ALDH1L1: variants seen among roughly 807,000 people sequenced by gnomAD.
The protein encoded by ALDH1L1 is aldehyde dehydrogenase 1 family member L1.
In ALDH1L1, 68 loss-of-function variants were observed where a neutral mutation model predicts 101.1. That is an observed-to-expected ratio of 0.67 (90% confidence interval 0.55 to 0.82). The LOEUF (loss-of-function observed/expected upper bound fraction) is 0.82, where lower values mean the gene tolerates loss of function less well. Among genes scored for constraint, ALDH1L1 ranks in the 40% least tolerant of loss-of-function variants. The pLI is 0.00. For synonymous variants in ALDH1L1, 486 were observed against 470.8 expected (o/e 1.03, Z -0.42); for missense variants, 1,087 against 1,172.7 (o/e 0.93, Z 1.07).
At position 126,112,706 on chromosome 3, in the gene ALDH1L1, C is replaced by T. The variant is rs548614637; in HGVS notation, c.2181+76G>A. The T allele has an allele frequency of 1.3e-5, 18 of 1,429,406 alleles. No individual in the cohort carries two copies. The South Asian group carries it at 2.1e-4, about 17-fold the overall frequency. 88.5% of individuals were successfully genotyped at this position (1,429,406 alleles called of 1,614,324 possible). A position where few individuals can be genotyped will look rare whatever the true frequency, so the allele number is the denominator to read the frequency against. On this transcript the variant is annotated intron_variant, in intron 19 of 22. Coordinates refer to ENST00000393434, the MANE Select transcript of ALDH1L1 (RefSeq NM_012190.4). ...CCTCACTTGACCCTGCCCTGTCTCC[C>T]CTCCTCCAACCCCCTCCAGCCAGGC... is the stretch of plus-strand genomic sequence containing the variant.
chr3:126,165,973 G>C (rs904859549), intron 1 of ALDH1L1, among the ~76,000 whole-genome samples: 1 of 150,444 alleles, frequency 6.6e-6, no homozygotes, highest in African/African-American at 2.4e-5. Context: ...TTTGGGGTTG[G>C]TTTGTTCTTT....
At chr3:126,166,504 C>A (rs2081170903) in intron 1 of ALDH1L1, among the ~76,000 whole-genome samples, 2 of 152,108 alleles carry the variant, frequency 1.3e-5, no homozygotes, top group South Asian at 2.1e-4. Flanking sequence ...CTTCATAAAT[C>A]TTGTTTTCCT....
intron 1 of ALDH1L1, among the ~76,000 whole-genome samples, chr3:126,174,980 A>T (rs2081345392): frequency 6.6e-6 from 1 of 152,138 alleles, no homozygotes; most frequent in Non-Finnish European, 1.5e-5. Flanking sequence ...AGATGAATAA[A>T]ACTGAGACAC....
At chr3:126,178,613 A>C (rs2081410256) in intron 1 of ALDH1L1, among the ~76,000 whole-genome samples, 1 of 152,172 alleles carries the variant, frequency 6.6e-6, no homozygotes. Flanking sequence ...TTAAAAATAA[A>C]TACTTGAAAA....
intron 1 of ALDH1L1, among the ~76,000 whole-genome samples, chr3:126,173,677 A>G (rs1458981748): frequency 6.6e-6 from 1 of 152,236 alleles, no homozygotes; most frequent in Admixed American, 6.5e-5. Context: ...TGAATAAAGA[A>G]TCGTGACCTA....
At chr3:126,154,047 G>A (rs2108286685) in intron 6 of ALDH1L1, among the ~76,000 whole-genome samples, 1 of 152,344 alleles carries the variant, frequency 6.6e-6, no homozygotes, top group Admixed American at 6.5e-5. Flanking sequence ...GGTCTGGAGA[G>A]TCTGAGACTG....
At chr3:126,114,981 C>CT (rs776878094) in intron 17 of ALDH1L1, 10 of 473,100 alleles carry the variant, frequency 2.1e-5, no homozygotes. Flanking sequence ...CACAGCCTGC[C>CT]TGTGCACCCC....
At chr3:126,149,777 C>T (rs1200187133) in intron 8 of ALDH1L1, among the ~76,000 whole-genome samples, 2 of 152,182 alleles carry the variant, frequency 1.3e-5, no homozygotes, top group Non-Finnish European at 2.9e-5. Context: ...AGGCCTCTGC[C>T]CTGTTAGGGC....
intron 1 of ALDH1L1, among the ~76,000 whole-genome samples, chr3:126,168,410 C>T (rs965380371): frequency 1.8e-4 from 27 of 151,966 alleles, no homozygotes; most frequent in African/African-American, 6.3e-4. Flanking sequence ...TTAAAGTTAA[C>T]ATTAATAGCA....
intron 1 of ALDH1L1, among the ~76,000 whole-genome samples, chr3:126,176,353 C>T (rs1440664278): frequency 1.3e-5 from 2 of 152,054 alleles, no homozygotes; most frequent in Non-Finnish European, 2.9e-5. Context: ...TTTGGAGAGA[C>T]AAAAGACCTG....
At position 126,129,919 on chromosome 3, in the gene ALDH1L1, T is replaced by C. The variant is rs759163490; in HGVS notation, c.1694+304A>G. The C allele has an allele frequency of 1.1e-4, 24 of 213,532 alleles. 1 individual carries two copies. The highest frequency in any genetic ancestry group is 1.0e-3 in the Admixed American group (17 of 16,956). The allele number at this position is 213,532 out of a possible 1,614,324, so 13.2% of individuals were successfully genotyped here. On this transcript the variant is annotated intron_variant, in intron 14 of 22. Transcript: ENST00000393434. Reference sequence around the variant, plus strand: ...TTGTTCTATATTTCCTGTTCCTCAGTGCTGTGCAGGAGTTCCTCATCTTTA... The same window carrying C: ...TTGTTCTATATTTCCTGTTCCTCAGCGCTGTGCAGGAGTTCCTCATCTTTA...
Position 126,146,939 on chromosome 3 carries a change from A to T in ALDH1L1, c.985-13T>A. 6.2e-7 allele frequency: 1 copy of T among 1,612,112 alleles called. No homozygotes were observed. Among genetic ancestry groups the T allele is most frequent in the Non-Finnish European group, 8.5e-7 (1 of 1,179,086 alleles). On this transcript the variant is annotated splice_polypyrimidine_tract_variant and intron_variant, in intron 8 of 22. Coordinates refer to ENST00000393434, the MANE Select transcript of ALDH1L1 (RefSeq NM_012190.4). The stretch of plus-strand genomic sequence containing the variant: ...GCTGCCAAACACTCTGCAAAGCAAG[A>T]CCTGATGAGAGGCTGGCCCCAGGGG...
intron 1 of ALDH1L1, among the ~76,000 whole-genome samples, chr3:126,175,140 G>A (rs1352726620): frequency 6.6e-6 from 1 of 152,102 alleles, no homozygotes; most frequent in Non-Finnish European, 1.5e-5. Flanking sequence ...AATTTGGTAA[G>A]TTAAATGAAA....
chr3:126,124,110 G>GACACACAC (rs3841921), intron 16 of ALDH1L1, among the ~76,000 whole-genome samples: 95 of 148,898 alleles, frequency 6.4e-4, no homozygotes, highest in African/African-American at 2.0e-3. Context: ...AGGGCGCGCG[G>GACACACAC]ACACACACAC....
intron 9 of ALDH1L1, among the ~76,000 whole-genome samples, chr3:126,146,432 G>A (rs936418582): frequency 6.6e-5 from 10 of 152,298 alleles, no homozygotes; most frequent in Admixed American, 5.9e-4. Flanking sequence ...ACAAACTGTC[G>A]AACCATAGTA....
intron 1 of ALDH1L1, among the ~76,000 whole-genome samples, chr3:126,170,611 T>A (rs558227369): frequency 6.6e-6 from 1 of 151,994 alleles, no homozygotes; most frequent in East Asian, 1.9e-4. Context: ...GATCCTACAG[T>A]CAATCTAAGA....
chr3:126,193,047 T>C (rs1576514836), intron 1 of ALDH1L1, among the ~76,000 whole-genome samples: 1 of 152,216 alleles, frequency 6.6e-6, no homozygotes, highest in Non-Finnish European at 1.5e-5. Flanking sequence ...GTATGGCTGC[T>C]GGGATTGGCC....
At chr3:126,103,986 G>T in intron 22 of ALDH1L1, 140 bp from the exon 23 acceptor site, 1 of 915,862 alleles carries the variant, frequency 1.1e-6, no homozygotes, top group Non-Finnish European at 1.7e-6. Flanking sequence ...GAGGCCCAGC[G>T]AGGTCATGAA....
chr3:126,142,562 C>G (rs775622730), intron 9 of ALDH1L1, among the ~76,000 whole-genome samples: 3 of 152,200 alleles, frequency 2.0e-5, no homozygotes, highest in Non-Finnish European at 4.4e-5. Flanking sequence ...ATCAGTGTAA[C>G]ATACCACATT....
Sources: allele counts gnomAD v4.1 joint callset (sites outside exome capture counted in the v4.1 genomes callset), GRCh38; gene constraint gnomAD v4.1.1; transcripts MANE v1.5; gene names NCBI Gene and HGNC (gene_info 2026-07-23, HGNC 2026-07-21).